FNIP2: variants seen among roughly 807,000 people sequenced by gnomAD.
The protein encoded by FNIP2 is folliculin-interacting protein 2.
FNIP2 carries 32 observed loss-of-function variants against 108.7 expected under a neutral mutation model. The observed-to-expected ratio is 0.29, with a 90% CI of 0.22 to 0.40. FNIP2 has a LOEUF of 0.40. Ranked by LOEUF, FNIP2 falls within the 10% of genes least tolerant of loss-of-function variation. The pLI is 1.00. For synonymous variants in FNIP2, 480 were observed against 496.7 expected (o/e 0.97, Z 0.45); for missense variants, 1,202 against 1,381.6 (o/e 0.87, Z 2.06).
intron 1 of FNIP2, among the ~76,000 whole-genome samples, chr4:158,802,941 A>G (rs897526643): frequency 3.3e-5 from 5 of 152,236 alleles, no homozygotes; most frequent in Non-Finnish European, 5.9e-5. Flanking sequence ...GAGATTGGAA[A>G]CAGTACAAAT....
intron 14 of FNIP2, among the ~76,000 whole-genome samples, chr4:158,876,280 GGACTTTCTAAAGCATGA>G (rs1450950463): frequency 7.9e-5 from 12 of 152,184 alleles, no homozygotes. Flanking sequence ...TGCTGCAAGA[GGACTTTCTAAAGCATGA>G]GACAATCATT....
At chr4:158,885,516 G>A (rs1194595208) in intron 14 of FNIP2, among the ~76,000 whole-genome samples, 1 of 152,212 alleles carries the variant, frequency 6.6e-6, no homozygotes, top group Non-Finnish European at 1.5e-5. Context: ...AACTAGGGCA[G>A]TGTTGTCCAC....
rs770867047 is a variant in FNIP2, at chr4:158,829,167, C to A, written c.323C>A (p.Ser108Tyr). The A allele has an allele frequency of 1.9e-6, 3 of 1,613,206 alleles. No individual in the cohort carries two copies. In the South Asian group the frequency reaches 3.3e-5, roughly 18 times the overall value. The change falls in exon 3 of 17, where the codon TCC becomes TAC. Residue 108 changes from serine to tyrosine, a missense_variant. Transcript: ENST00000264433. ...VSSSSSSSIS[S>Y]HSSSGGSSHH... Reference sequence around the variant, plus strand: ...AGCAGTAGCAGCAGCAGCATCTCTTCCCACAGTTCTTCTGGGGGATCTTCA... The same window carrying A: ...AGCAGTAGCAGCAGCAGCATCTCTTACCACAGTTCTTCTGGGGGATCTTCA...
chr4:158,834,885 T>TGAG (rs1487815716), intron 6 of FNIP2: 1 of 153,618 alleles, frequency 6.5e-6, no homozygotes, highest in African/African-American at 2.4e-5. Flanking sequence ...TATTTGAAAA[T>TGAG]GAGTATAAAT....
chr4:158,870,573 T>A (rs1329712989), intron 14 of FNIP2, 104 bp downstream of exon 14: 1 of 1,400,170 alleles, frequency 7.1e-7, no homozygotes, highest in Non-Finnish European at 9.7e-7. Context: ...TAAGGGGTTG[T>A]TTATGGAGAT....
chr4:158,887,695 C>T (rs1347921789), intron 14 of FNIP2, among the ~76,000 whole-genome samples: 1 of 124,946 alleles, frequency 8.0e-6, no homozygotes, highest in Non-Finnish European at 1.6e-5. Context: ...CGAGAATGCA[C>T]TACTGCACTC....
intron 14 of FNIP2, among the ~76,000 whole-genome samples, chr4:158,870,856 C>G (rs1300974535): frequency 6.6e-6 from 1 of 152,256 alleles, no homozygotes; most frequent in East Asian, 1.9e-4. Context: ...AGGGGCACAG[C>G]TGATGCAGAC....
At position 158,869,165 on chromosome 4, in the gene FNIP2, G is replaced by A; in HGVS notation, c.2529G>A (p.Lys843=). 1 of 1,614,060 alleles carries A rather than the reference G, an allele frequency of 6.2e-7. No individual in the cohort carries two copies. The highest frequency in any genetic ancestry group is 1.1e-5 in the South Asian group (1 of 91,076). Residue 843 remains lysine (K), a synonymous_variant, in exon 13 of 17, where the codon AAG becomes AAA. Transcript: ENST00000264433. The stretch of plus-strand genomic sequence containing the variant: ...AGGCCACTAGAGGTTTGTATGTGAA[G>A]GCTGCGGAAGGACCTGTGCTGGAGC... ...RLEATRGLYV[K]AAEGPVLEPV...
intron 7 of FNIP2, among the ~76,000 whole-genome samples, chr4:158,844,300 A>G (rs1168699200): frequency 6.6e-6 from 1 of 152,180 alleles, no homozygotes; most frequent in Non-Finnish European, 1.5e-5. Flanking sequence ...AAATCCATCC[A>G]TATATATAAG....
chr4:158,905,379 T>C lies in FNIP2; in HGVS notation c.*835T>C, dbSNP rs575487509. The C allele has an allele frequency of 6.6e-6, 1 of 152,320 alleles. No homozygotes were observed. Among genetic ancestry groups the C allele is most frequent in the Non-Finnish European group, 1.5e-5 (1 of 68,012 alleles). 9.4% of individuals were successfully genotyped at this position (152,320 alleles called of 1,614,324 possible). On this transcript the variant is annotated 3_prime_UTR_variant, in exon 17 of 17. Coordinates refer to ENST00000264433, the MANE Select transcript of FNIP2 (RefSeq NM_020840.3). Reference sequence around the variant, plus strand: ...TTTTAAGAGAGGCCACTTACCAAAGTTATTTCTATAAGCTCAAGAGTGTTT... The same window carrying C: ...TTTTAAGAGAGGCCACTTACCAAAGCTATTTCTATAAGCTCAAGAGTGTTT...
chr4:158,837,635 A>C (rs1240790623), intron 7 of FNIP2, among the ~76,000 whole-genome samples: 11 of 152,240 alleles, frequency 7.2e-5, no homozygotes, highest in Admixed American at 7.2e-4. Flanking sequence ...GTTCAAATTA[A>C]AGTAGAAAGT....
intron 6 of FNIP2, chr4:158,833,978 C>A: frequency 1.2e-6 from 1 of 860,006 alleles, no homozygotes; most frequent in Non-Finnish European, 1.6e-6. Context: ...TTGTGCCTCT[C>A]TAGAAATCCA....
At chr4:158,872,618 C>T in intron 14 of FNIP2, 1 of 985,068 alleles carries the variant, frequency 1.0e-6, no homozygotes, top group Non-Finnish European at 1.2e-6. Flanking sequence ...TTAATACATT[C>T]AGAATATATC....
rs374343245 is a variant in FNIP2, at chr4:158,869,442, G to T, written c.2792+14G>T. ...GCCTCTGCCAAGGTAACTCCAGCAG[G>T]CTGGGAAGTAGAGGGAACTGGGTTC... is the stretch of plus-strand genomic sequence containing the variant. On this transcript the variant is annotated intron_variant, in intron 13 of 16. Transcript: ENST00000264433. 15 of 1,574,620 alleles carry T rather than the reference G, an allele frequency of 9.5e-6. No homozygotes were observed. Among genetic ancestry groups the T allele is most frequent in the South Asian group, 3.5e-5 (3 of 86,430 alleles).
At chr4:158,813,238 A>G (rs1357445378) in intron 1 of FNIP2, among the ~76,000 whole-genome samples, 1 of 152,194 alleles carries the variant, frequency 6.6e-6, no homozygotes, top group Non-Finnish European at 1.5e-5. Flanking sequence ...CTGGATTGTA[A>G]GGTAAGAGTA....
At chr4:158,873,735 T>C (rs1212467792) in intron 14 of FNIP2, among the ~76,000 whole-genome samples, 2 of 152,274 alleles carry the variant, frequency 1.3e-5, no homozygotes, top group Non-Finnish European at 2.9e-5. Context: ...GTTTAGTCCA[T>C]ATACTACCTC....
intron 1 of FNIP2, chr4:158,796,020 C>T: frequency 9.0e-6 from 1 of 111,226 alleles, no homozygotes; most frequent in Non-Finnish European, 2.0e-5. Flanking sequence ...GACTGTTGTT[C>T]CAAGGTATAG....
intron 14 of FNIP2, among the ~76,000 whole-genome samples, chr4:158,881,455 ACG>A (rs1781620081): frequency 2.2e-5 from 3 of 134,666 alleles, no homozygotes; most frequent in Non-Finnish European, 3.2e-5. Context: ...CTCTCTTTCC[ACG>A]GTCTCCCTCT....
chr4:158,770,454 T>C (rs1578806067), intron 1 of FNIP2, among the ~76,000 whole-genome samples: 3 of 152,316 alleles, frequency 2.0e-5, no homozygotes, highest in Admixed American at 2.0e-4. Flanking sequence ...AGTGAAACTT[T>C]GAAATAAATT....
Sources: allele counts gnomAD v4.1 joint callset (sites outside exome capture counted in the v4.1 genomes callset), GRCh38; gene constraint gnomAD v4.1.1; transcripts MANE v1.5; gene names NCBI Gene and HGNC (gene_info 2026-07-23, HGNC 2026-07-21).